Variants in NRG1 observed in about 807,000 individuals in gnomAD.
NRG1 encodes pro-neuregulin-1, membrane-bound isoform.
NRG1 carries 18 observed loss-of-function variants against 63.8 expected under a neutral mutation model. The observed-to-expected ratio is 0.28, with a 90% CI of 0.19 to 0.42. The LOEUF is 0.42. Among genes scored for constraint, NRG1 ranks in the 10% least tolerant of loss-of-function variants. NRG1 has a pLI of 1.00. For synonymous variants in NRG1, 302 were observed against 301.3 expected, an observed-to-expected ratio of 1.00 and a Z score of -0.02; for missense variants, 762 against 814.7, an observed-to-expected ratio of 0.94 and a Z score of 0.79.
At chr8:32,085,681 T>A (rs868342185) in intron 1 of NRG1, among the ~76,000 whole-genome samples, 62 of 152,246 alleles carry the variant, frequency 4.1e-4, no homozygotes, top group African/African-American at 1.4e-3. Flanking sequence ...GTGTCTCCAA[T>A]AGTTAAATAT....
At chr8:32,445,048 T>C (rs1358089057) in intron 1 of NRG1, among the ~76,000 whole-genome samples, 1 of 152,198 alleles carries the variant, frequency 6.6e-6, no homozygotes, top group Admixed American at 6.5e-5. Flanking sequence ...AATACCAAGA[T>C]TGATCATCAC....
rs1305552598 is a variant in NRG1, at chr8:32,104,923, T to TA, written c.37+465498dup. On this transcript the variant is annotated intron_variant, in intron 1 of 10. Transcript: ENST00000519301. ...CACAGTTAACTTTTTTTTTTTTTAA[T>TA]AAAAAATACATGTAGAAGCAGTACA... Among the ~76,000 whole-genome samples, 32 of 151,534 alleles carry TA rather than the reference T, an allele frequency of 2.1e-4. 1 individual carries two copies. Among genetic ancestry groups the TA allele is most frequent in the African/African-American group, 6.8e-4 (28 of 41,082 alleles).
At position 31,640,735 on chromosome 8, in the gene NRG1, T is replaced by G. The variant is rs757683204; in HGVS notation, c.37+1304T>G. ...GGTGCTGTGCAAGCGGTGCGGTAAGTTCCTCGCCCTTGGGGGCGCGAACCC... is the reference window on the plus strand; with the variant it reads ...GGTGCTGTGCAAGCGGTGCGGTAAGGTCCTCGCCCTTGGGGGCGCGAACCC... On this transcript the variant is annotated intron_variant, in intron 1 of 10. Transcript: ENST00000519301. The surrounding 1 kb of genome is among the most constrained non-coding windows in gnomAD (Gnocchi z 6.3). 1 of 1,554,430 alleles carries G rather than the reference T, an allele frequency of 6.4e-7. No homozygotes were observed. The highest frequency in any genetic ancestry group is 8.7e-7 in the Non-Finnish European group (1 of 1,149,156).
intron 1 of NRG1, among the ~76,000 whole-genome samples, chr8:31,798,664 T>A (rs1821466915): frequency 6.6e-6 from 1 of 152,216 alleles, no homozygotes; most frequent in Admixed American, 6.5e-5. Context: ...AAGTGTCATA[T>A]GTACATAATA....
Position 32,254,107 on chromosome 8 carries a change from GTCTA to G in NRG1, c.38-341715_38-341712del, listed in dbSNP as rs1415017248. Among the ~76,000 whole-genome samples, 31 of 152,050 alleles carry G rather than the reference GTCTA, an allele frequency of 2.0e-4. No individual in the cohort carries two copies. In the South Asian group the frequency reaches 4.6e-3, roughly 22 times the overall value. On this transcript the variant is annotated intron_variant, in intron 1 of 10. Coordinates refer to the NRG1 transcript ENST00000519301. ...TTCTTCTTTATTAGTCTGGCTAGTGGTCTATCTATTTTTTAATCTTTTCAAAAAA... is the reference window on the plus strand; with the variant it reads ...TTCTTCTTTATTAGTCTGGCTAGTGGTCTATTTTTTAATCTTTTCAAAAAA...
downstream of NRG1, among the ~76,000 whole-genome samples, chr8:32,768,744 C>G (rs1831603769): frequency 6.6e-6 from 1 of 152,076 alleles, no homozygotes; most frequent in Admixed American, 6.6e-5. Context: ...CTCATTATTC[C>G]AGGTAGGTTA....
At chr8:32,129,746 C>T (rs540105183) in intron 1 of NRG1, among the ~76,000 whole-genome samples, 15 of 151,986 alleles carry the variant, frequency 9.9e-5, no homozygotes, top group South Asian at 8.3e-4. Flanking sequence ...ATCTAATCAA[C>T]GTGCTTGCTT....
chr8:32,301,233 A>T (rs1488114351), intron 1 of NRG1, among the ~76,000 whole-genome samples: 1 of 152,244 alleles, frequency 6.6e-6, no homozygotes, highest in Non-Finnish European at 1.5e-5. Flanking sequence ...AGTTTCAAAA[A>T]TACAAAAGCT....
At chr8:31,781,447 C>G (rs1380293498) in intron 1 of NRG1, among the ~76,000 whole-genome samples, 1 of 152,128 alleles carries the variant, frequency 6.6e-6, no homozygotes, top group Non-Finnish European at 1.5e-5. Flanking sequence ...GCACATTTCC[C>G]TCGTTACCAA....
At chr8:31,911,769 G>A (rs775184559) in intron 1 of NRG1, among the ~76,000 whole-genome samples, 1 of 152,272 alleles carries the variant, frequency 6.6e-6, no homozygotes, top group East Asian at 1.9e-4. Context: ...AAAGAATCAC[G>A]TTCAAAGAGT....
chr8:32,024,994 G>A (rs780708997), intron 1 of NRG1, among the ~76,000 whole-genome samples: 2 of 152,170 alleles, frequency 1.3e-5, no homozygotes, highest in Non-Finnish European at 2.9e-5. Flanking sequence ...TTTCTAGAAG[G>A]AAGAGTACAC....
intron 1 of NRG1, among the ~76,000 whole-genome samples, chr8:31,680,247 C>T (rs1005119970): frequency 1.3e-5 from 2 of 151,080 alleles, no homozygotes; most frequent in East Asian, 2.0e-4. Context: ...CCCACTAACT[C>T]GTCATCTAGC....
chr8:32,396,479 G>T (rs1004118645), intron 1 of NRG1, among the ~76,000 whole-genome samples: 1 of 152,008 alleles, frequency 6.6e-6, no homozygotes, highest in African/African-American at 2.4e-5. Context: ...ATGGAGTTTT[G>T]TTCTTGTTGC....
At chr8:31,947,688 A>G (rs991404837) in intron 1 of NRG1, among the ~76,000 whole-genome samples, 25 of 151,882 alleles carry the variant, frequency 1.6e-4, no homozygotes, top group African/African-American at 6.1e-4. Context: ...TCATGCCTGT[A>G]ATCCCAGCAT....
At chr8:31,647,290 CTT>C (rs1804378664) in intron 1 of NRG1, among the ~76,000 whole-genome samples, 3 of 152,210 alleles carry the variant, frequency 2.0e-5, no homozygotes, top group South Asian at 4.1e-4. Context: ...ATCAGTTCCT[CTT>C]TACTTATTTT....
chr8:32,347,264 ACT>A (rs201108163), intron 1 of NRG1, among the ~76,000 whole-genome samples: 3,773 of 151,704 alleles, frequency 0.025, 65 homozygotes, highest in Admixed American at 0.042. Flanking sequence ...CTTATATCTA[ACT>A]CTATTTTTGT....
chr8:31,816,724 G>T (rs949359046), intron 1 of NRG1, among the ~76,000 whole-genome samples: 1 of 152,120 alleles, frequency 6.6e-6, no homozygotes, highest in Non-Finnish European at 1.5e-5. Flanking sequence ...TAGGGCTTCT[G>T]GCTCCACTTT....
At chr8:31,681,815 T>G (rs560094869) in intron 1 of NRG1, among the ~76,000 whole-genome samples, 1 of 152,000 alleles carries the variant, frequency 6.6e-6, no homozygotes, top group South Asian at 2.1e-4. Flanking sequence ...TTAGAGCAGG[T>G]TTAGGATCAC....
At chr8:31,655,581 A>C (rs1471944874) in intron 1 of NRG1, among the ~76,000 whole-genome samples, 1 of 152,246 alleles carries the variant, frequency 6.6e-6, no homozygotes, top group African/African-American at 2.4e-5. Context: ...AGACGATTCT[A>C]GACTTCCAGG....
Sources: allele counts gnomAD v4.1 joint callset (sites outside exome capture counted in the v4.1 genomes callset), GRCh38; gene constraint gnomAD v4.1.1; non-coding constraint Gnocchi (gnomAD v3.1); transcripts MANE v1.5; gene names NCBI Gene and HGNC (gene_info 2026-07-23, HGNC 2026-07-21).